INTS9: variants seen among roughly 807,000 people sequenced by gnomAD.
The protein encoded by INTS9 is protein related to CPSF subunits of 74 kDa.
In INTS9, 55 loss-of-function variants were observed where a neutral mutation model predicts 79.7. That is an observed-to-expected ratio of 0.69 (90% CI 0.56 to 0.86). INTS9 has a LOEUF of 0.86. Ranked by LOEUF, INTS9 falls within the 40% of genes least tolerant of loss-of-function variation. The probability of loss-of-function intolerance (pLI) is 0.00; values close to 1 mark genes in which losing one functional copy is unlikely to be tolerated. For missense variants in INTS9, 721 were observed against 831.5 expected (o/e 0.87, Z 1.64); for synonymous variants, 319 against 325.2 (o/e 0.98, Z 0.20).
chr8:28,809,339 G>T (rs888223513), intron 8 of INTS9, among the ~76,000 whole-genome samples: 1 of 152,094 alleles, frequency 6.6e-6, no homozygotes, highest in Non-Finnish European at 1.5e-5. Flanking sequence ...TGCCAAAATA[G>T]GTGGCATGCT....
chr8:28,822,715 C>T (rs540806410), intron 6 of INTS9, among the ~76,000 whole-genome samples: 2 of 152,294 alleles, frequency 1.3e-5, no homozygotes, highest in African/African-American at 4.8e-5. Context: ...TAGCATTGGA[C>T]ATTTCAACAG....
chr8:28,789,525 T>C (rs1362655301), intron 10 of INTS9, among the ~76,000 whole-genome samples: 1 of 147,046 alleles, frequency 6.8e-6, no homozygotes, highest in Admixed American at 6.7e-5. Flanking sequence ...TTATCTCTAA[T>C]TGGGAATGTG....
intron 8 of INTS9, among the ~76,000 whole-genome samples, chr8:28,810,622 G>A (rs1264109850): frequency 1.3e-5 from 2 of 151,670 alleles, no homozygotes; most frequent in East Asian, 1.9e-4. Context: ...CTCTCTCTCC[G>A]TAAATAGATG....
intron 3 of INTS9, among the ~76,000 whole-genome samples, chr8:28,848,955 G>A (rs778935579): frequency 3.9e-5 from 6 of 152,180 alleles, no homozygotes; most frequent in Non-Finnish European, 8.8e-5. Context: ...CTGAAATCAG[G>A]TGCACAGGTT....
intron 1 of INTS9, among the ~76,000 whole-genome samples, chr8:28,885,129 A>G (rs1012653743): frequency 1.1e-4 from 17 of 152,222 alleles, no homozygotes; most frequent in African/African-American, 4.1e-4. Context: ...TTCCCAGGAG[A>G]AATGGCAAGT....
At chr8:28,859,317 T>C in intron 2 of INTS9, 119 bp downstream of exon 2, 4 of 1,145,118 alleles carry the variant, frequency 3.5e-6, no homozygotes, top group Non-Finnish European at 3.7e-6. Flanking sequence ...TAAAGAACAT[T>C]TTTAAGGAAA....
intron 5 of INTS9, among the ~76,000 whole-genome samples, 157 bp downstream of exon 5, chr8:28,837,480 A>G (rs1381486485): frequency 6.6e-6 from 1 of 152,216 alleles, no homozygotes; most frequent in Non-Finnish European, 1.5e-5. Flanking sequence ...TCCAATGAAC[A>G]TTCCTCATCT....
At chr8:28,832,174 T>A (rs1427952482) in intron 6 of INTS9, among the ~76,000 whole-genome samples, 1 of 151,806 alleles carries the variant, frequency 6.6e-6, no homozygotes, top group African/African-American at 2.4e-5. Flanking sequence ...GGAACTGGGG[T>A]CCTGTCCAGT....
intron 3 of INTS9, among the ~76,000 whole-genome samples, chr8:28,849,359 A>C (rs1807698879): frequency 6.6e-6 from 1 of 152,216 alleles, no homozygotes; most frequent in African/African-American, 2.4e-5. Context: ...CCGAGGAAGG[A>C]ATTACTGAGA....
At chr8:28,796,786 A>C (rs1177120693) in intron 8 of INTS9, 131 bp from the exon 9 acceptor site, 1 of 673,620 alleles carries the variant, frequency 1.5e-6, no homozygotes, top group Admixed American at 2.2e-5. Context: ...TATGTTCTCT[A>C]AGGAATAGTC....
chr8:28,880,472 G>A (rs1809665650), intron 1 of INTS9, among the ~76,000 whole-genome samples: 1 of 152,136 alleles, frequency 6.6e-6, no homozygotes, highest in South Asian at 2.1e-4. Context: ...TGTTGGCCGG[G>A]CTGGTCTCCA....
chr8:28,867,531 T>TAAA (rs766435433), intron 1 of INTS9, among the ~76,000 whole-genome samples: 4 of 117,452 alleles, frequency 3.4e-5, no homozygotes, highest in Non-Finnish European at 5.4e-5. Context: ...GAGCTGAGAT[T>TAAA]AAAAAAAAAA....
intron 8 of INTS9, among the ~76,000 whole-genome samples, chr8:28,811,164 T>C (rs1805107224): frequency 6.6e-6 from 1 of 151,490 alleles, no homozygotes; most frequent in Non-Finnish European, 1.5e-5. Context: ...AGTCTCACTC[T>C]GTCACCCAGG....
intron 6 of INTS9, among the ~76,000 whole-genome samples, chr8:28,818,899 G>A (rs1213505246): frequency 6.6e-6 from 1 of 152,004 alleles, no homozygotes; most frequent in African/African-American, 2.4e-5. Context: ...ATGTGTCGAG[G>A]AATTTATCCA....
intron 6 of INTS9, among the ~76,000 whole-genome samples, chr8:28,818,645 A>ATCAGGATG (rs1435364373): frequency 1.3e-5 from 2 of 150,192 alleles, no homozygotes; most frequent in Non-Finnish European, 3.0e-5. Flanking sequence ...CGGCTTTGGT[A>ATCAGGATG]TCAGGATGAT....
At chr8:28,776,039 G>T in intron 13 of INTS9, 113 bp from the exon 14 acceptor site, 2 of 827,866 alleles carry the variant, frequency 2.4e-6, no homozygotes, top group Non-Finnish European at 3.6e-6. Flanking sequence ...ACCACTTCCA[G>T]GCCAAGGTGA....
intron 1 of INTS9, among the ~76,000 whole-genome samples, chr8:28,872,628 T>C (rs1809157602): frequency 6.6e-6 from 1 of 152,152 alleles, no homozygotes; most frequent in South Asian, 2.1e-4. Flanking sequence ...CCCTTCCTCC[T>C]TCCTACTGAC....
chr8:28,807,325 T>C (rs898191794), intron 8 of INTS9, among the ~76,000 whole-genome samples: 6 of 152,162 alleles, frequency 3.9e-5, no homozygotes, highest in Non-Finnish European at 8.8e-5. Context: ...AGATAATCCC[T>C]ATCTCATATA....
At position 28,837,774 on chromosome 8, in the gene INTS9, C is replaced by T. The variant is rs763295626; in HGVS notation, c.264G>A (p.Thr88=). 2.7e-5 allele frequency: 43 copies of T among 1,611,906 alleles called. No homozygotes were observed. The highest frequency in any genetic ancestry group is 1.2e-4 in the Admixed American group (7 of 59,902). ...CTACTGTAGACAGATCTATTAGCTC[C>T]GTCTGAAAAGAAAGGGAGGGAATGA... is the stretch of plus-strand genomic sequence containing the variant. ...DSVPEFCLPE[T]ELIDLSTVDV... Residue 88 remains threonine, a splice_region_variant and synonymous_variant, in exon 5 of 17, where the codon ACG becomes ACA. Coordinates refer to ENST00000521022, the MANE Select transcript of INTS9 (RefSeq NM_018250.4).
Sources: gnomAD v4.1 joint callset for allele counts (sites outside exome capture counted in the v4.1 genomes callset) on GRCh38, gnomAD v4.1.1 for gene constraint, MANE v1.5 for transcripts, NCBI Gene and HGNC (gene_info 2026-07-23, HGNC 2026-07-21) for gene names.